Variants in RBFOX1 observed in about 807,000 individuals in gnomAD.
RBFOX1 encodes RNA binding protein fox-1 homolog 1.
In RBFOX1, 8 loss-of-function variants were observed where a neutral mutation model predicts 57.7. The ratio of observed to expected loss-of-function variants is 0.14; its 90% CI spans 0.08 to 0.25. The LOEUF is 0.25. RBFOX1 is among the 10% of genes least tolerant of loss of function. The probability of loss-of-function intolerance (pLI) is 1.00; values close to 1 mark genes in which losing one functional copy is unlikely to be tolerated. For missense variants in RBFOX1, 611 were observed against 548.5 expected, an observed-to-expected ratio of 1.11 and a Z score of -1.14; for synonymous variants, 326 against 222.4, an observed-to-expected ratio of 1.47 and a Z score of -4.15.
chr16:7,708,940 C>T, intron 14 of RBFOX1, 116 bp from the exon 15 acceptor site: 1 of 884,776 alleles, frequency 1.1e-6, no homozygotes, highest in South Asian at 1.5e-5. Context: ...GAATTTGCTT[C>T]TCACTGGAAG....
intron 4 of RBFOX1, among the ~76,000 whole-genome samples, chr16:7,438,668 T>C (rs1253780322): frequency 2.0e-5 from 3 of 152,202 alleles, no homozygotes; most frequent in African/African-American, 7.2e-5. Context: ...AACCAGCCCA[T>C]TAAAACTCCT....
chr16:6,344,056 C>T (rs184001081), intron 2 of RBFOX1, among the ~76,000 whole-genome samples: 2 of 152,256 alleles, frequency 1.3e-5, no homozygotes, highest in Non-Finnish European at 2.9e-5. Context: ...CTCTATTTCT[C>T]GTACCCAGTG....
At chr16:5,542,428 T>G (rs1254091525) in intron 2 of RBFOX1, among the ~76,000 whole-genome samples, 1 of 151,532 alleles carries the variant, frequency 6.6e-6, no homozygotes, top group Non-Finnish European at 1.5e-5. Context: ...TTTTTTTTTT[T>G]TTGTATTTTT....
intron 3 of RBFOX1, among the ~76,000 whole-genome samples, chr16:6,693,680 C>T (rs2060588765): frequency 6.6e-6 from 1 of 151,836 alleles, no homozygotes; most frequent in African/African-American, 2.4e-5. Flanking sequence ...CTGCTACCAT[C>T]ACCACCATCA....
intron 2 of RBFOX1, among the ~76,000 whole-genome samples, chr16:5,487,200 C>A (rs1481802444): frequency 2.6e-5 from 4 of 152,178 alleles, no homozygotes; most frequent in Admixed American, 2.0e-4. Context: ...ATAGGTGTCA[C>A]TACATAATTA....
intron 3 of RBFOX1, among the ~76,000 whole-genome samples, chr16:6,698,210 A>T (rs1443922258): frequency 6.6e-6 from 1 of 152,150 alleles, no homozygotes; most frequent in Non-Finnish European, 1.5e-5. Flanking sequence ...CAATTTGACA[A>T]TTAGATCATG....
intron 2 of RBFOX1, among the ~76,000 whole-genome samples, chr16:5,469,842 T>C (rs1258136308): frequency 1.3e-5 from 2 of 152,252 alleles, no homozygotes; most frequent in African/African-American, 4.8e-5. Flanking sequence ...CTCTCCTTTT[T>C]ATGGCTGAAT....
intron 4 of RBFOX1, among the ~76,000 whole-genome samples, chr16:7,382,801 G>A: frequency 6.6e-6 from 1 of 152,222 alleles, no homozygotes; most frequent in East Asian, 1.9e-4. Flanking sequence ...GAGAAGCCAA[G>A]AGGAATAATG....
At chr16:7,441,123 C>T (rs1210658322) in intron 4 of RBFOX1, among the ~76,000 whole-genome samples, 5 of 152,280 alleles carry the variant, frequency 3.3e-5, no homozygotes, top group African/African-American at 4.8e-5. Flanking sequence ...ACCTGCCTTC[C>T]TCTATATGAG....
intron 2 of RBFOX1, among the ~76,000 whole-genome samples, chr16:6,369,030 C>G (rs1040439394): frequency 6.6e-6 from 1 of 152,008 alleles, no homozygotes; most frequent in Non-Finnish European, 1.5e-5. Flanking sequence ...AAAATTGAAA[C>G]TATGGAAAAT....
intron 3 of RBFOX1, among the ~76,000 whole-genome samples, chr16:5,768,592 G>A (rs748634508): frequency 6.6e-5 from 10 of 152,150 alleles, no homozygotes; most frequent in African/African-American, 1.7e-4. Context: ...CCAGGTGGTA[G>A]CATTTATTTT....
At chr16:6,075,292 T>C (rs2152494147) in intron 1 of RBFOX1, among the ~76,000 whole-genome samples, 1 of 152,376 alleles carries the variant, frequency 6.6e-6, no homozygotes, top group Non-Finnish European at 1.5e-5. Context: ...CATTTTCATC[T>C]ACTTTTCCAG....
At position 7,047,981 on chromosome 16, in the gene RBFOX1, C is replaced by T. The variant is rs555043373; in HGVS notation, c.-15-4076C>T. 2.2e-3 allele frequency among the ~76,000 whole-genome samples: 306 copies of T among 141,692 alleles called. 3 individuals are homozygous for T. Among genetic ancestry groups the T allele is most frequent in the Non-Finnish European group, 3.3e-3 (216 of 64,724 alleles). The allele number at this position is 141,692 out of a possible 152,430, so 93.0% of individuals were successfully genotyped here. ...GCAACCTCCCCCTGCCGGGTTCAAG[C>T]GATTCTCCTGTCTCAGCCGTCTGAG... On this transcript the variant is annotated intron_variant, in intron 3 of 15. Transcript: ENST00000550418.
chr16:6,699,472 A>G lies in RBFOX1; in HGVS notation c.-16+44822A>G, dbSNP rs571284346. ...ATTTAAAAGCCAAGCCATTTTGACA[A>G]TATTAATTCAGTTAATTTCAGCACA... is the stretch of plus-strand genomic sequence containing the variant. On this transcript the variant is annotated intron_variant, in intron 3 of 15. Transcript: ENST00000550418. Among the ~76,000 whole-genome samples the G allele has an allele frequency of 7.9e-5, 12 of 152,294 alleles. No homozygotes were observed. The East Asian group carries it at 1.5e-3, about 20-fold the overall frequency.
At chr16:7,018,971 CAATA>C (rs56840861) in intron 3 of RBFOX1, among the ~76,000 whole-genome samples, 8 of 151,464 alleles carry the variant, frequency 5.3e-5, no homozygotes, top group South Asian at 2.1e-4. Flanking sequence ...AATTAAAAAG[CAATA>C]AATAAATAAA....
At chr16:5,722,174 A>G (rs541772258) in intron 3 of RBFOX1, among the ~76,000 whole-genome samples, 2 of 152,312 alleles carry the variant, frequency 1.3e-5, no homozygotes, top group East Asian at 3.9e-4. Flanking sequence ...AATGAAAATC[A>G]AGTTTGAAAT....
At chr16:6,635,446 G>C (rs1390453438) in intron 2 of RBFOX1, among the ~76,000 whole-genome samples, 2 of 152,116 alleles carry the variant, frequency 1.3e-5, no homozygotes, top group African/African-American at 2.4e-5. Flanking sequence ...GTCAAATCTG[G>C]ATGGGGAGGT....
intron 3 of RBFOX1, among the ~76,000 whole-genome samples, chr16:5,665,442 C>T (rs2049810116): frequency 7.9e-6 from 1 of 126,482 alleles, no homozygotes; most frequent in South Asian, 3.0e-4. Context: ...TCTCTGGCCT[C>T]CTTCCTGATA....
At chr16:6,537,250 T>G (rs1187184993) in intron 2 of RBFOX1, among the ~76,000 whole-genome samples, 2 of 152,180 alleles carry the variant, frequency 1.3e-5, no homozygotes, top group African/African-American at 2.4e-5. Context: ...TGATGCCGGT[T>G]CGTGCACCAG....
Sources: allele counts gnomAD v4.1 joint callset (sites outside exome capture counted in the v4.1 genomes callset), GRCh38; gene constraint gnomAD v4.1.1; transcripts MANE v1.5; gene names NCBI Gene and HGNC (gene_info 2026-07-23, HGNC 2026-07-21).